EXTL3: variants seen among roughly 807,000 people sequenced by gnomAD.
EXTL3 encodes exostosin like glycosyltransferase 3.
In EXTL3, 27 loss-of-function variants were observed where a neutral mutation model predicts 69.3. That is an observed-to-expected ratio of 0.39 (90% CI 0.29 to 0.54). The LOEUF is 0.54. Among genes scored for constraint, EXTL3 ranks in the 20% least tolerant of loss-of-function variants. The pLI, the probability that EXTL3 is intolerant of heterozygous loss-of-function variation, is 0.69. For missense variants in EXTL3, 1,003 were observed against 1,231.8 expected (o/e 0.81, Z 2.78); for synonymous variants, 511 against 499.4 (o/e 1.02, Z -0.31).
Position 28,750,596 on chromosome 8 carries a change from C to A in EXTL3, c.2551-61C>A. 2 of 1,380,774 alleles carry A rather than the reference C, an allele frequency of 1.4e-6. No homozygotes were observed. The highest frequency in any genetic ancestry group is 2.1e-6 in the Non-Finnish European group (2 of 970,232). The allele number at this position is 1,380,774 out of a possible 1,614,324, so 85.5% of individuals were successfully genotyped here. ...ACATGGGAGTGTGGGATCGGCTCAG[C>A]TGCAAGGGTTCTGTCAGTATTAGCT... On this transcript the variant is annotated intron_variant, in intron 6 of 6. Transcript: ENST00000220562. This position sits in a 1 kb window ranked among gnomAD's most constrained non-coding sequence, Gnocchi z 5.2.
At chr8:28,655,924 G>C (rs1807003269) in intron 1 of EXTL3, among the ~76,000 whole-genome samples, 1 of 152,154 alleles carries the variant, frequency 6.6e-6, no homozygotes, top group Non-Finnish European at 1.5e-5. Context: ...GAGAGAGGAA[G>C]GGACTAATTG....
At chr8:28,683,876 T>C (rs1481203721) in intron 1 of EXTL3, among the ~76,000 whole-genome samples, 1 of 152,158 alleles carries the variant, frequency 6.6e-6, no homozygotes, top group East Asian at 1.9e-4. Flanking sequence ...ATCTTATTCA[T>C]TGTTTCTAAC....
chr8:28,622,363 G>A (rs910822466), upstream of EXTL3, among the ~76,000 whole-genome samples: 6 of 152,256 alleles, frequency 3.9e-5, no homozygotes, highest in Non-Finnish European at 8.8e-5. Flanking sequence ...GTGCAGCCGG[G>A]TGCTGGTGTT....
At chr8:28,725,955 T>G (rs901370575) in intron 3 of EXTL3, among the ~76,000 whole-genome samples, 3 of 131,914 alleles carry the variant, frequency 2.3e-5, no homozygotes, top group South Asian at 2.4e-4. Flanking sequence ...TTTAGAAGTG[T>G]TTTTTTTTTT....
At chr8:28,731,422 AT>A (rs1203987486) in intron 4 of EXTL3, 72 bp downstream of exon 4, 1 of 1,566,218 alleles carries the variant, frequency 6.4e-7, no homozygotes, top group Non-Finnish European at 8.8e-7. Flanking sequence ...TGCAAAATGA[AT>A]TTTTTGGCTG....
rs751122579 is a variant in EXTL3, at chr8:28,733,232, C to T, written c.2276+1882C>T. Among the ~76,000 whole-genome samples, 18 of 152,094 alleles carry T rather than the reference C, an allele frequency of 1.2e-4. No individual in the cohort carries two copies. The East Asian group carries it at 1.9e-3, about 16-fold the overall frequency. ...TTTGAGCCGGTCAGGCTGTTTTTCA[C>T]GGTGGCAGCCCCATATTGCATTCTC... On this transcript the variant is annotated intron_variant, in intron 4 of 6. Transcript: ENST00000220562.
At chr8:28,683,493 CTT>C (rs765469079) in intron 1 of EXTL3, among the ~76,000 whole-genome samples, 3 of 152,120 alleles carry the variant, frequency 2.0e-5, no homozygotes, top group Non-Finnish European at 4.4e-5. Context: ...CAATTATACT[CTT>C]TTAGTTATTT....
At chr8:28,708,265 T>G (rs1800962783) in intron 1 of EXTL3, among the ~76,000 whole-genome samples, 1 of 152,230 alleles carries the variant, frequency 6.6e-6, no homozygotes, top group Admixed American at 6.5e-5. Context: ...GAGGATGTTC[T>G]GTTTCCCTTT....
At chr8:28,724,616 A>AAG (rs1554485773) in intron 3 of EXTL3, among the ~76,000 whole-genome samples, 66 of 148,580 alleles carry the variant, frequency 4.4e-4, no homozygotes, top group Middle Eastern at 3.5e-3. Context: ...AAAAAAAAAA[A>AAG]AAGAAGAAGA....
chr8:28,713,215 C>T lies in EXTL3; in HGVS notation c.-569-242C>T, dbSNP rs1044293375. Among the ~76,000 whole-genome samples the T allele has an allele frequency of 3.7e-4, 56 of 152,232 alleles. 1 individual carries two copies. Among genetic ancestry groups the T allele is most frequent in the African/African-American group, 7.9e-4 (33 of 41,536 alleles). ...CATAAATAGGTAACGTCTGTCTGGA[C>T]GGTTTGCCTGCCAGAGTCCCCGTGT... On this transcript the variant is annotated intron_variant, in intron 1 of 6. Transcript: ENST00000220562.
chr8:28,638,079 C>T (rs1047441667), intron 1 of EXTL3, among the ~76,000 whole-genome samples: 3 of 152,162 alleles, frequency 2.0e-5, no homozygotes, highest in Admixed American at 6.6e-5. Flanking sequence ...TCCTTTTCCT[C>T]GTGCTATTTG....
chr8:28,698,956 G>A (rs2130692023), upstream of EXTL3, among the ~76,000 whole-genome samples: 1 of 152,298 alleles, frequency 6.6e-6, no homozygotes, highest in East Asian at 1.9e-4. Context: ...TCATGCCACT[G>A]CACTCCAGCC....
At chr8:28,651,121 A>G (rs1806912470) in intron 1 of EXTL3, among the ~76,000 whole-genome samples, 1 of 152,196 alleles carries the variant, frequency 6.6e-6, no homozygotes, top group African/African-American at 2.4e-5. Context: ...AAAATCCAGA[A>G]TGCTGCAATG....
upstream of EXTL3, chr8:28,700,907 A>G (rs77672014): frequency 6.6e-6 from 1 of 152,346 alleles, no homozygotes; most frequent in South Asian, 2.1e-4. Flanking sequence ...GCTTTTCAGC[A>G]TTGACACGGT....
At chr8:28,659,066 A>G (rs1807061599) in intron 1 of EXTL3, among the ~76,000 whole-genome samples, 1 of 152,218 alleles carries the variant, frequency 6.6e-6, no homozygotes, top group African/African-American at 2.4e-5. Context: ...AATTCCCAGA[A>G]GTTAAATTAC....
chr8:28,661,298 CAG>C (rs767550045), intron 1 of EXTL3, among the ~76,000 whole-genome samples: 77 of 151,890 alleles, frequency 5.1e-4, no homozygotes, highest in African/African-American at 1.4e-3. Flanking sequence ...TCATCACAAT[CAG>C]AGCATATTCA....
At chr8:28,718,495 C>T (rs978568591) in intron 3 of EXTL3, among the ~76,000 whole-genome samples, 1 of 152,144 alleles carries the variant, frequency 6.6e-6, no homozygotes, top group Non-Finnish European at 1.5e-5. Context: ...CGTAGACTTC[C>T]ATGTCATAAC....
chr8:28,677,641 A>G (rs537598939), intron 1 of EXTL3, among the ~76,000 whole-genome samples: 1 of 152,338 alleles, frequency 6.6e-6, no homozygotes, highest in African/African-American at 2.4e-5. Flanking sequence ...ACAAAGACAC[A>G]GCTCGCTCTC....
At chr8:28,710,497 TGAA>T (rs775893169) in intron 1 of EXTL3, 7 of 456,098 alleles carry the variant, frequency 1.5e-5, no homozygotes, top group South Asian at 1.1e-4. Flanking sequence ...ATAGGAGAAA[TGAA>T]GGTGTAAGTG....
Sources: allele counts gnomAD v4.1 joint callset (sites outside exome capture counted in the v4.1 genomes callset), GRCh38; gene constraint gnomAD v4.1.1; non-coding constraint Gnocchi (gnomAD v3.1); transcripts MANE v1.5; gene names NCBI Gene and HGNC (gene_info 2026-07-23, HGNC 2026-07-21).